BTBD9: variants seen among roughly 807,000 people sequenced by gnomAD.
BTBD9 encodes the protein BTB domain containing 9, also known as BTB/POZ domain-containing protein 9.
In BTBD9, 49 loss-of-function variants were observed where a neutral mutation model predicts 64.3. The ratio of observed to expected loss-of-function variants is 0.76; its 90% CI spans 0.61 to 0.97. BTBD9 has a LOEUF of 0.97. BTBD9 is among the 50% of genes least tolerant of loss of function. BTBD9 has a pLI of 0.00. For synonymous variants in BTBD9, 260 were observed against 274.7 expected (o/e 0.95, Z 0.53); for missense variants, 598 against 762.1 (o/e 0.78, Z 2.53).
intron 6 of BTBD9, among the ~76,000 whole-genome samples, chr6:38,518,852 A>G (rs1363670795): frequency 6.6e-6 from 1 of 152,206 alleles, no homozygotes; most frequent in African/African-American, 2.4e-5. Flanking sequence ...TTAGATTTGA[A>G]AAGAACTGGT....
At chr6:38,547,952 T>A (rs866535291) in intron 6 of BTBD9, among the ~76,000 whole-genome samples, 1 of 152,238 alleles carries the variant, frequency 6.6e-6, no homozygotes, top group Non-Finnish European at 1.5e-5. Context: ...AATACATGAA[T>A]GAAGTTTCTT....
At chr6:38,491,503 T>A (rs1286258559) in intron 6 of BTBD9, among the ~76,000 whole-genome samples, 1 of 152,232 alleles carries the variant, frequency 6.6e-6, no homozygotes, top group Non-Finnish European at 1.5e-5. Flanking sequence ...CCTGTTTTCT[T>A]CACTTTATTG....
intron 8 of BTBD9, among the ~76,000 whole-genome samples, chr6:38,280,827 T>C (rs1761483956): frequency 6.6e-6 from 1 of 152,236 alleles, no homozygotes; most frequent in Admixed American, 6.5e-5. Flanking sequence ...TGAGCAAATA[T>C]GATGTCCAAT....
intron 9 of BTBD9, among the ~76,000 whole-genome samples, chr6:38,226,299 A>G (rs1763390576): frequency 6.6e-6 from 1 of 152,174 alleles, no homozygotes; most frequent in South Asian, 2.1e-4. Context: ...TGTATAAGCA[A>G]CTGTCTGTGG....
At chr6:38,396,548 CT>C (rs1279003535) in intron 6 of BTBD9, among the ~76,000 whole-genome samples, 3 of 152,222 alleles carry the variant, frequency 2.0e-5, no homozygotes, top group African/African-American at 7.2e-5. Context: ...CTATATCATA[CT>C]TTTCCCTCCT....
intron 6 of BTBD9, among the ~76,000 whole-genome samples, chr6:38,573,832 T>A (rs989716335): frequency 5.3e-5 from 8 of 152,144 alleles, no homozygotes; most frequent in Non-Finnish European, 1.2e-4. Flanking sequence ...TATCCACCAT[T>A]CATTACTAGT....
chr6:38,476,737 C>T (rs1282435578), intron 6 of BTBD9, among the ~76,000 whole-genome samples: 2 of 152,154 alleles, frequency 1.3e-5, no homozygotes, highest in Admixed American at 6.5e-5. Flanking sequence ...AAGTGTCAAA[C>T]CAGTTATTAT....
intron 6 of BTBD9, among the ~76,000 whole-genome samples, chr6:38,513,189 C>T (rs1457719260): frequency 6.6e-6 from 1 of 152,164 alleles, no homozygotes; most frequent in African/African-American, 2.4e-5. Flanking sequence ...GATGCAGTGG[C>T]TCATGCCTAT....
chr6:38,235,184 T>C (rs978410597), intron 9 of BTBD9, among the ~76,000 whole-genome samples: 5 of 152,248 alleles, frequency 3.3e-5, no homozygotes, highest in African/African-American at 1.2e-4. Flanking sequence ...AGGCAGATTT[T>C]TGCCTGCCAC....
At chr6:38,288,790 G>A (rs886221417) in intron 7 of BTBD9, among the ~76,000 whole-genome samples, 1 of 152,054 alleles carries the variant, frequency 6.6e-6, no homozygotes, top group Non-Finnish European at 1.5e-5. Context: ...AGCCAGGCGT[G>A]GTGGCGTGTG....
intron 1 of BTBD9, among the ~76,000 whole-genome samples, chr6:38,599,108 A>G (rs1777160104): frequency 6.6e-6 from 1 of 152,156 alleles, no homozygotes. Context: ...TTACCAGAAC[A>G]TCATTACATT....
chr6:38,466,371 C>A (rs1770394309), intron 6 of BTBD9, among the ~76,000 whole-genome samples: 1 of 143,476 alleles, frequency 7.0e-6, no homozygotes, highest in Non-Finnish European at 1.5e-5. Flanking sequence ...TGGCTCACTG[C>A]AGCTCTGCCT....
chr6:38,601,695 AAAAAG>A (rs1186345829), intron 1 of BTBD9, among the ~76,000 whole-genome samples: 1 of 152,048 alleles, frequency 6.6e-6, no homozygotes, highest in Non-Finnish European at 1.5e-5. Context: ...CAAAAAAATA[AAAAAG>A]AAAAGAAAGA....
At chr6:38,425,752 TAA>T (rs755397152) in intron 6 of BTBD9, among the ~76,000 whole-genome samples, 4 of 135,578 alleles carry the variant, frequency 3.0e-5, no homozygotes, top group Non-Finnish European at 3.2e-5. Context: ...TACCAATAAC[TAA>T]AAAAAAAAAA....
intron 6 of BTBD9, among the ~76,000 whole-genome samples, chr6:38,375,891 A>AAAAAG (rs1554143810): frequency 3.3e-5 from 4 of 122,260 alleles, no homozygotes; most frequent in African/African-American, 1.3e-4. Context: ...AGAAAGAAAG[A>AAAAAG]AAAGAAAGAA....
intron 6 of BTBD9, among the ~76,000 whole-genome samples, chr6:38,396,381 G>A (rs1198345412): frequency 6.6e-6 from 1 of 152,154 alleles, no homozygotes; most frequent in Admixed American, 6.5e-5. Context: ...AACATATACT[G>A]AGTCACCCTT....
chr6:38,188,492 G>A (rs573989842), intron 10 of BTBD9, among the ~76,000 whole-genome samples: 5 of 152,362 alleles, frequency 3.3e-5, no homozygotes, highest in East Asian at 1.9e-4. Flanking sequence ...GTGTGTTCAC[G>A]CAGATTTCCC....
intron 9 of BTBD9, among the ~76,000 whole-genome samples, chr6:38,208,214 T>C (rs1762720440): frequency 6.6e-6 from 1 of 152,206 alleles, no homozygotes; most frequent in African/African-American, 2.4e-5. Context: ...CCAAGTTGCG[T>C]GGCACTGAGA....
At chr6:38,421,002 T>C (rs1767878215) in intron 6 of BTBD9, among the ~76,000 whole-genome samples, 3 of 152,272 alleles carry the variant, frequency 2.0e-5, no homozygotes, top group Admixed American at 2.0e-4. Context: ...AGTGATAGGA[T>C]TGTCTAAAGC....
Sources: gnomAD v4.1 joint callset for allele counts (sites outside exome capture counted in the v4.1 genomes callset) on GRCh38, gnomAD v4.1.1 for gene constraint, MANE v1.5 for transcripts, NCBI Gene and HGNC (gene_info 2026-07-23, HGNC 2026-07-21) for gene names.